Variants in APBB1IP observed in about 807,000 individuals in gnomAD.
The protein encoded by APBB1IP is amyloid beta A4 precursor protein-binding family B member 1-interacting protein.
Under a neutral mutation model 64.9 loss-of-function variants are expected in APBB1IP, and 27 were observed. The ratio of observed to expected loss-of-function variants is 0.42; its 90% CI spans 0.31 to 0.57. APBB1IP has a LOEUF of 0.57. Ranked by LOEUF, APBB1IP falls within the 20% of genes least tolerant of loss-of-function variation. The pLI is 0.20. For synonymous variants in APBB1IP, 392 were observed against 331.0 expected (o/e 1.18, Z -2.00); for missense variants, 812 against 845.5 (o/e 0.96, Z 0.49).
chr10:26,495,259 G>A (rs1226361727), intron 3 of APBB1IP, among the ~76,000 whole-genome samples: 2 of 151,878 alleles, frequency 1.3e-5, no homozygotes, highest in East Asian at 3.9e-4. Context: ...GCCTGCCTCA[G>A]CCTCCCAAAG....
chr10:26,440,721 G>A (rs991395511), intron 2 of APBB1IP, among the ~76,000 whole-genome samples: 2 of 152,006 alleles, frequency 1.3e-5, no homozygotes, highest in Non-Finnish European at 2.9e-5. Context: ...TATATCCTAA[G>A]AATGTTCACC....
At chr10:26,483,092 TAA>T (rs35069320) in intron 2 of APBB1IP, among the ~76,000 whole-genome samples, 4,381 of 67,192 alleles carry the variant, frequency 0.065, 197 homozygotes, top group African/African-American at 0.23. Context: ...CTCCATCTGA[TAA>T]AAAAAAAAAA....
chr10:26,486,068 AAAAAT>A (rs956593063), intron 2 of APBB1IP, among the ~76,000 whole-genome samples: 1 of 152,148 alleles, frequency 6.6e-6, no homozygotes, highest in African/African-American at 2.4e-5. Flanking sequence ...TGTCTCTGCT[AAAAAT>A]AAAATAAAAT....
At chr10:26,495,759 G>A (rs1836013687) in intron 3 of APBB1IP, among the ~76,000 whole-genome samples, 1 of 151,178 alleles carries the variant, frequency 6.6e-6, no homozygotes. Flanking sequence ...CTGCCAACAG[G>A]TAGGTTCTCA....
At chr10:26,522,604 TG>T (rs1420341915) in intron 8 of APBB1IP, among the ~76,000 whole-genome samples, 2 of 152,224 alleles carry the variant, frequency 1.3e-5, no homozygotes, top group East Asian at 3.8e-4. Context: ...TACAAATTGA[TG>T]GGTGAGCTTT....
At chr10:26,532,834 T>G (rs1351834635) in intron 8 of APBB1IP, among the ~76,000 whole-genome samples, 1 of 152,202 alleles carries the variant, frequency 6.6e-6, no homozygotes, top group Non-Finnish European at 1.5e-5. Flanking sequence ...TAGGCTGGTT[T>G]TCTTTCCAGA....
intron 2 of APBB1IP, among the ~76,000 whole-genome samples, chr10:26,490,702 G>A (rs1355924411): frequency 1.3e-5 from 2 of 152,220 alleles, no homozygotes; most frequent in African/African-American, 4.8e-5. Context: ...AATAATATTT[G>A]CTTTAAAATA....
chr10:26,472,699 G>A (rs565131692), intron 2 of APBB1IP, among the ~76,000 whole-genome samples: 1 of 152,246 alleles, frequency 6.6e-6, no homozygotes, highest in South Asian at 2.1e-4. Context: ...CACTCCGGGA[G>A]GCCAAGGCCG....
chr10:26,508,386 G>T (rs1836210245), intron 6 of APBB1IP, among the ~76,000 whole-genome samples: 1 of 147,610 alleles, frequency 6.8e-6, no homozygotes, highest in African/African-American at 2.5e-5. Context: ...ATAAATTTTA[G>T]TATAGAAGCA....
intron 2 of APBB1IP, among the ~76,000 whole-genome samples, chr10:26,461,146 AAAACGAAGG>A (rs1835584534): frequency 6.6e-6 from 1 of 152,048 alleles, no homozygotes; most frequent in South Asian, 2.1e-4. Flanking sequence ...AAAGTATTAT[AAAACGAAGG>A]AAGAGAGGGA....
chr10:26,506,152 G>C (rs1177988332), intron 6 of APBB1IP, among the ~76,000 whole-genome samples: 1 of 149,868 alleles, frequency 6.7e-6, no homozygotes, highest in Non-Finnish European at 1.5e-5. Context: ...TCCTAGCGAG[G>C]CCTTTCCTAT....
At chr10:26,516,563 T>TAAAAAAAAAAAAAAAAAAAAAAAAAAAAA (rs1198670517) in intron 8 of APBB1IP, among the ~76,000 whole-genome samples, 24 of 53,236 alleles carry the variant, frequency 4.5e-4, no homozygotes, top group African/African-American at 1.4e-3. Flanking sequence ...AAAAAAAAAG[T>TAAAAAAAAAAAAAAAAAAAAAAAAAAAAA]AAAGCGGAAA....
chr10:26,439,019 C>T (rs1209481974), intron 2 of APBB1IP, among the ~76,000 whole-genome samples, 166 bp downstream of exon 2: 1 of 152,130 alleles, frequency 6.6e-6, no homozygotes, highest in Non-Finnish European at 1.5e-5. Flanking sequence ...CGCAGCGGGT[C>T]CCCAGGGTCC....
chr10:26,479,822 G>C (rs961601808), intron 2 of APBB1IP, among the ~76,000 whole-genome samples: 3 of 152,200 alleles, frequency 2.0e-5, no homozygotes, highest in African/African-American at 7.2e-5. Context: ...TTAGGATTGA[G>C]AGTTGAGAAG....
chr10:26,447,745 G>A (rs1018139820), intron 2 of APBB1IP, among the ~76,000 whole-genome samples: 37 of 152,068 alleles, frequency 2.4e-4, no homozygotes, highest in African/African-American at 8.4e-4. Context: ...TTTTGAGGGA[G>A]GGCCTCACTC....
At position 26,496,407 on chromosome 10, in the gene APBB1IP, T is replaced by C; in HGVS notation, c.160+16T>C. The stretch of plus-strand genomic sequence containing the variant: ...GATTTAAATGGTAAGCATAACAATT[T>C]CTTTTCTTAAGTAATTCAAAATCAT... On this transcript the variant is annotated intron_variant, in intron 4 of 14. Transcript: ENST00000376236. 6.3e-7 allele frequency: 1 copy of C among 1,576,256 alleles called. No individual in the cohort carries two copies. Among genetic ancestry groups the C allele is most frequent in the Non-Finnish European group, 8.7e-7 (1 of 1,147,622 alleles).
chr10:26,444,992 G>A (rs1368141725), intron 2 of APBB1IP, among the ~76,000 whole-genome samples: 1 of 151,826 alleles, frequency 6.6e-6, no homozygotes, highest in Non-Finnish European at 1.5e-5. Flanking sequence ...CAGCTATTCG[G>A]GAGGCTGAGG....
chr10:26,471,565 T>A (rs942763092), intron 2 of APBB1IP, among the ~76,000 whole-genome samples: 1 of 152,190 alleles, frequency 6.6e-6, no homozygotes, highest in African/African-American at 2.4e-5. Flanking sequence ...ATAAAGTTTT[T>A]TCTATGGTAT....
At chr10:26,566,150 G>C (rs1478549561) in intron 14 of APBB1IP, among the ~76,000 whole-genome samples, 1 of 152,184 alleles carries the variant, frequency 6.6e-6, no homozygotes, top group Non-Finnish European at 1.5e-5. Flanking sequence ...TTTGGGCCAG[G>C]TGGGGTGGCC....
Sources: allele counts gnomAD v4.1 joint callset (sites outside exome capture counted in the v4.1 genomes callset), GRCh38; gene constraint gnomAD v4.1.1; transcripts MANE v1.5; gene names NCBI Gene and HGNC (gene_info 2026-07-23, HGNC 2026-07-21).